Variants in CDH18 observed in about 807,000 individuals in gnomAD.
CDH18 encodes the protein cadherin 18.
CDH18 carries 31 observed loss-of-function variants against 67.9 expected under a neutral mutation model. The ratio of observed to expected loss-of-function variants is 0.46; its 90% confidence interval spans 0.34 to 0.62. CDH18 has a LOEUF of 0.62. CDH18 is among the 20% of genes least tolerant of loss of function. The pLI, the probability that CDH18 is intolerant of heterozygous loss-of-function variation, is 0.01. For missense variants in CDH18, 890 were observed against 975.5 expected (o/e 0.91, Z 1.17); for synonymous variants, 362 against 347.2 (o/e 1.04, Z -0.48).
rs187264939 is a variant in CDH18 at position 20,114,944 on chromosome 5, G to C, written c.-517-122930C>G. Among the ~76,000 whole-genome samples the C allele has an allele frequency of 4.0e-4, 61 of 152,264 alleles. No homozygotes were observed. The East Asian group carries it at 0.011, about 29-fold the overall frequency. On this transcript the variant is annotated intron_variant, in intron 2 of 14. Coordinates refer to the CDH18 transcript ENST00000507958. ...TGGGGCTATATCACCTATTAAGAAGGGGTAGGTCTCTAGGATAAGAAGGTT... is the reference window on the plus strand; with the variant it reads ...TGGGGCTATATCACCTATTAAGAAGCGGTAGGTCTCTAGGATAAGAAGGTT...
At chr5:19,677,650 C>T (rs898397588) in intron 5 of CDH18, among the ~76,000 whole-genome samples, 3 of 151,700 alleles carry the variant, frequency 2.0e-5, no homozygotes, top group Admixed American at 6.6e-5. Flanking sequence ...CAAAGTGTAT[C>T]CTGTCTTCAA....
At chr5:19,744,745 C>T (rs765555692) in intron 4 of CDH18, among the ~76,000 whole-genome samples, 13 of 152,112 alleles carry the variant, frequency 8.5e-5, no homozygotes, top group Admixed American at 6.6e-4. Context: ...CTCTGTAGGC[C>T]GTAAATGGGA....
intron 2 of CDH18, among the ~76,000 whole-genome samples, chr5:19,911,102 C>T (rs950880339): frequency 7.2e-5 from 11 of 152,030 alleles, no homozygotes; most frequent in African/African-American, 2.2e-4. Flanking sequence ...ACTGAAAGAG[C>T]AAGGAGTTAG....
At chr5:20,160,437 C>A (rs1271821322) in intron 2 of CDH18, among the ~76,000 whole-genome samples, 2 of 152,284 alleles carry the variant, frequency 1.3e-5, no homozygotes, top group Non-Finnish European at 1.5e-5. Context: ...AAAATTTCAA[C>A]ATTTGAATTT....
intron 9 of CDH18, among the ~76,000 whole-genome samples, chr5:19,536,189 G>A (rs1048122201): frequency 1.3e-5 from 2 of 151,924 alleles, no homozygotes; most frequent in African/African-American, 2.4e-5. Context: ...AGCCCATAGA[G>A]GTGAAAAAAT....
intron 10 of CDH18, among the ~76,000 whole-genome samples, chr5:19,510,139 A>C (rs902424037): frequency 6.6e-6 from 1 of 152,162 alleles, no homozygotes; most frequent in Non-Finnish European, 1.5e-5. Flanking sequence ...ATACAAATAC[A>C]CTTCAGAAAA....
rs2150459978 is a variant in CDH18, at chr5:19,698,255, G to T, written c.643+23092C>A. 2.0e-5 allele frequency among the ~76,000 whole-genome samples: 3 copies of T among 152,156 alleles called. No homozygotes were observed. The Middle Eastern group carries it at 0.01, about 518-fold the overall frequency. ...GATATGGAAGTTTTTTTAAATAAAT[G>T]ATTTCTTTCATCTATTTTTATGAAA... is the stretch of plus-strand genomic sequence containing the variant. On this transcript the variant is annotated intron_variant, in intron 5 of 12. Transcript: ENST00000382275.
intron 1 of CDH18, among the ~76,000 whole-genome samples, chr5:20,348,157 T>A (rs1740863350): frequency 6.6e-6 from 1 of 152,228 alleles, no homozygotes; most frequent in Admixed American, 6.5e-5. Flanking sequence ...TTTGTGGCTA[T>A]GAGTAAATTA....
intron 1 of CDH18, among the ~76,000 whole-genome samples, chr5:20,287,499 T>C (rs529281022): frequency 1.3e-5 from 2 of 151,862 alleles, no homozygotes; most frequent in South Asian, 4.1e-4. Flanking sequence ...CTACTAGAAA[T>C]CTAAATATCT....
At chr5:19,994,699 CAG>C (rs1735747535) in intron 2 of CDH18, among the ~76,000 whole-genome samples, 1 of 56,622 alleles carries the variant, frequency 1.8e-5, no homozygotes, top group African/African-American at 7.8e-5. Context: ...TAACCTCTTC[CAG>C]TATATATATA....
chr5:20,493,213 G>T (rs559314045), intron 1 of CDH18, among the ~76,000 whole-genome samples: 1 of 151,750 alleles, frequency 6.6e-6, no homozygotes, highest in South Asian at 2.1e-4. Context: ...AGCCAGCATG[G>T]TGACACTTGC....
intron 2 of CDH18, among the ~76,000 whole-genome samples, chr5:20,010,305 G>A (rs1397822029): frequency 1.3e-5 from 2 of 151,864 alleles, no homozygotes; most frequent in South Asian, 2.1e-4. Flanking sequence ...CACGATCTTG[G>A]TTCAATTGAT....
intron 5 of CDH18, among the ~76,000 whole-genome samples, chr5:19,708,119 A>G (rs1266794295): frequency 6.6e-6 from 1 of 152,212 alleles, no homozygotes; most frequent in Admixed American, 6.5e-5. Flanking sequence ...AGTAAGATCA[A>G]AATTTGGGAA....
rs989537183 is a variant in CDH18, at chr5:20,410,459, A to C, written c.-579-154954T>G. Among the ~76,000 whole-genome samples, 75 of 151,938 alleles carry C rather than the reference A, an allele frequency of 4.9e-4. 1 individual carries two copies. The highest frequency in any genetic ancestry group is 4.6e-3 in the Admixed American group (70 of 15,246). ...CTTTCATGATAAAAACTATCAAAAA[A>C]CTAATAATAGAAGAAAAGTACCTCA... On this transcript the variant is annotated intron_variant, in intron 1 of 14. Coordinates refer to the CDH18 transcript ENST00000507958.
chr5:20,416,797 T>A (rs1009787222), intron 1 of CDH18, among the ~76,000 whole-genome samples: 26 of 152,124 alleles, frequency 1.7e-4, no homozygotes, highest in East Asian at 1.9e-4. Context: ...CTTTACAGCA[T>A]GAGAAAACTT....
At chr5:20,312,687 A>G (rs1252510079) in intron 1 of CDH18, among the ~76,000 whole-genome samples, 1 of 152,136 alleles carries the variant, frequency 6.6e-6, no homozygotes, top group African/African-American at 2.4e-5. Context: ...TAATCTTTTA[A>G]TAATTTGATC....
intron 2 of CDH18, among the ~76,000 whole-genome samples, chr5:20,133,720 C>G (rs576050928): frequency 6.6e-6 from 1 of 151,834 alleles, no homozygotes; most frequent in African/African-American, 2.4e-5. Context: ...GCCCCCTAAC[C>G]TTCAAGATTT....
At chr5:20,439,160 G>C (rs1749407683) in intron 1 of CDH18, among the ~76,000 whole-genome samples, 1 of 88,218 alleles carries the variant, frequency 1.1e-5, no homozygotes, top group Admixed American at 1.1e-4. Flanking sequence ...TGATATTTTT[G>C]GATCAACATA....
intron 5 of CDH18, among the ~76,000 whole-genome samples, chr5:19,717,215 A>C (rs893347582): frequency 2.6e-5 from 4 of 152,128 alleles, no homozygotes; most frequent in Non-Finnish European, 5.9e-5. Context: ...AGGAAGATTC[A>C]GTATACTTGT....
Sources: gnomAD v4.1 joint callset for allele counts (sites outside exome capture counted in the v4.1 genomes callset) on GRCh38, gnomAD v4.1.1 for gene constraint, MANE v1.5 for transcripts, NCBI Gene and HGNC (gene_info 2026-07-23, HGNC 2026-07-21) for gene names.